Variants in TMEM138 observed in about 807,000 individuals in gnomAD.
The protein encoded by TMEM138 is transmembrane protein 138.
Under a neutral mutation model 18.1 loss-of-function variants are expected in TMEM138, and 9 were observed. That is an observed-to-expected ratio of 0.50 (90% CI 0.30 to 0.87). TMEM138 has a LOEUF of 0.87. TMEM138 is among the 40% of genes least tolerant of loss of function. The pLI is 0.06. For synonymous variants in TMEM138, 79 were observed against 74.8 expected, an observed-to-expected ratio of 1.06 and a Z score of -0.29; for missense variants, 189 against 190.6, an observed-to-expected ratio of 0.99 and a Z score of 0.05.
downstream of TMEM138, among the ~76,000 whole-genome samples, chr11:61,370,014 A>G (rs1484933880): frequency 4.6e-5 from 7 of 152,266 alleles, no homozygotes; most frequent in Non-Finnish European, 1.0e-4. Context: ...CATGAGGCTA[A>G]AAGAATTTGC....
chr11:61,373,628 T>C (rs893821100), downstream of TMEM138, among the ~76,000 whole-genome samples: 1 of 152,046 alleles, frequency 6.6e-6, no homozygotes, highest in Non-Finnish European at 1.5e-5. Flanking sequence ...ATAAATAATG[T>C]CTTTTTCAGA....
downstream of TMEM138, among the ~76,000 whole-genome samples, chr11:61,374,876 G>T (rs1858415179): frequency 6.6e-6 from 1 of 152,182 alleles, no homozygotes; most frequent in Non-Finnish European, 1.5e-5. Context: ...AGAATTGCTT[G>T]AACCTGGGAG....
At chr11:61,373,169 C>A (rs766538668), downstream of TMEM138, among the ~76,000 whole-genome samples, 2 of 152,058 alleles carry the variant, frequency 1.3e-5, no homozygotes, top group African/African-American at 2.4e-5. Flanking sequence ...TCCTGAAGCA[C>A]GGGGCTGGAA....
downstream of TMEM138, among the ~76,000 whole-genome samples, chr11:61,373,226 A>G (rs1032353179): frequency 5.3e-5 from 8 of 152,334 alleles, 1 homozygote; most frequent in African/African-American, 2.4e-5. Context: ...ATCAAGAAAG[A>G]GGCGGACAGA....
intron 1 of TMEM138, 199 bp downstream of exon 1, chr11:61,362,619 T>C (rs1042835001): frequency 5.9e-5 from 9 of 152,322 alleles, no homozygotes; most frequent in African/African-American, 2.2e-4. Flanking sequence ...AAGAGCTTCA[T>C]GAGCTTGTGA....
chr11:61,368,738 C>T lies in TMEM138; in HGVS notation c.*29C>T, dbSNP rs757161638. On this transcript the variant is annotated 3_prime_UTR_variant, in exon 5 of 5. Coordinates refer to ENST00000278826, the MANE Select transcript of TMEM138 (RefSeq NM_016464.5). ...CTTGTCACACTGATGGATACTTTTC[C>T]TTCCTGATAGAAGCCACATTTGCTG... 1.9e-6 allele frequency: 3 copies of T among 1,562,238 alleles called. No individual in the cohort carries two copies. The highest frequency in any genetic ancestry group is 2.2e-5 in the East Asian group (1 of 44,614).
intron 2 of TMEM138, chr11:61,365,589 G>A (rs1017612200): frequency 6.6e-6 from 1 of 152,254 alleles, no homozygotes; most frequent in East Asian, 1.9e-4. Context: ...TTAATTAGCT[G>A]AGTATAGTGG....
chr11:61,371,746 CAGAAGTT>C (rs1858349683), downstream of TMEM138, among the ~76,000 whole-genome samples: 6 of 152,276 alleles, frequency 3.9e-5, no homozygotes, highest in East Asian at 7.7e-4. Flanking sequence ...TTTAGGGGGA[CAGAAGTT>C]ACAATCAGAG....
chr11:61,367,898 T>C, intron 3 of TMEM138, 25 bp from the exon 4 acceptor site: 1 of 1,544,890 alleles, frequency 6.5e-7, no homozygotes, highest in Non-Finnish European at 8.9e-7. Context: ...GCCATTAACT[T>C]TTGTGTATCT....
At chr11:61,371,788 T>C (rs894724932), downstream of TMEM138, among the ~76,000 whole-genome samples, 1 of 152,140 alleles carries the variant, frequency 6.6e-6, no homozygotes, top group African/African-American at 2.4e-5. Context: ...ACGCAAGGTG[T>C]ACATTGATTT....
intron 2 of TMEM138, among the ~76,000 whole-genome samples, chr11:61,365,381 C>G (rs1456209134): frequency 6.6e-6 from 1 of 151,854 alleles, no homozygotes; most frequent in Non-Finnish European, 1.5e-5. Context: ...CTGCCTCAGC[C>G]TCCCTAGTAG....
chr11:61,365,894 C>T (rs1590625952), intron 2 of TMEM138, 151 bp from the exon 3 acceptor site: 1 of 1,010,186 alleles, frequency 9.9e-7, no homozygotes, highest in East Asian at 2.8e-5. Context: ...CATTCAGGTC[C>T]CAAAACCCAT....
intron 1 of TMEM138, chr11:61,363,393 GA>G (rs1242247677): frequency 6.6e-6 from 1 of 152,170 alleles, no homozygotes; most frequent in East Asian, 1.9e-4. Context: ...ATGGTTGTAG[GA>G]TTACGTAAGG....
chr11:61,376,447 T>A (rs1298154149), downstream of TMEM138, among the ~76,000 whole-genome samples: 1 of 152,248 alleles, frequency 6.6e-6, no homozygotes, highest in Non-Finnish European at 1.5e-5. Flanking sequence ...TTTTTCAATT[T>A]TATTATTTTC....
chr11:61,362,701 C>A (rs969726244), intron 1 of TMEM138: 1 of 152,122 alleles, frequency 6.6e-6, no homozygotes, highest in East Asian at 1.9e-4. Context: ...CATAACGGAT[C>A]CTCAAAACAG....
Position 61,368,582 on chromosome 11 carries a change from G to C in TMEM138, c.377-15G>C. 6.3e-7 allele frequency: 1 copy of C among 1,594,326 alleles called. No individual in the cohort carries two copies. The highest frequency in any genetic ancestry group is 8.6e-7 in the Non-Finnish European group (1 of 1,163,392). ...GGAGCACCCCTGAGGCTTCTCTTCT[G>C]CTTCCTCCCCACAGCAGCAGTGTTG... On this transcript the variant is annotated splice_polypyrimidine_tract_variant and intron_variant, in intron 4 of 4. Coordinates refer to ENST00000278826, the MANE Select transcript of TMEM138 (RefSeq NM_016464.5).
chr11:61,370,033 C>A (rs1858296224), downstream of TMEM138, among the ~76,000 whole-genome samples: 1 of 152,196 alleles, frequency 6.6e-6, no homozygotes, highest in South Asian at 2.1e-4. Context: ...GCCGACAAGG[C>A]TTCATTGGAG....
chr11:61,368,150 T>G (rs773040020), intron 4 of TMEM138, 152 bp downstream of exon 4: 1 of 747,560 alleles, frequency 1.3e-6, no homozygotes, highest in Admixed American at 1.8e-5. Flanking sequence ...GCCCCTGCCC[T>G]TGCTAGAAGA....
downstream of TMEM138, among the ~76,000 whole-genome samples, chr11:61,374,449 C>T (rs962253237): frequency 4.6e-5 from 7 of 152,086 alleles, no homozygotes; most frequent in Non-Finnish European, 8.8e-5. Flanking sequence ...CTGCCACTGG[C>T]CCTGGAAACT....
Sources: allele counts gnomAD v4.1 joint callset (sites outside exome capture counted in the v4.1 genomes callset), GRCh38; gene constraint gnomAD v4.1.1; transcripts MANE v1.5; gene names NCBI Gene and HGNC (gene_info 2026-07-23, HGNC 2026-07-21).